Variants in CEP128 observed in about 807,000 individuals in gnomAD.
CEP128 encodes centrosomal protein 128, also known as centrosomal protein 128kDa.
CEP128 carries 132 observed loss-of-function variants against 156.7 expected under a neutral mutation model. That is an observed-to-expected ratio of 0.84 (90% CI 0.73 to 0.97). The LOEUF is 0.97. Among genes scored for constraint, CEP128 ranks in the 50% least tolerant of loss-of-function variants. The pLI is 0.00. For synonymous variants in CEP128, 469 were observed against 448.9 expected (o/e 1.04, Z -0.57); for missense variants, 1,252 against 1,281.9 (o/e 0.98, Z 0.36).
At chr14:80,689,035 C>A (rs962450664) in intron 19 of CEP128, among the ~76,000 whole-genome samples, 1 of 152,034 alleles carries the variant, frequency 6.6e-6, no homozygotes, top group Non-Finnish European at 1.5e-5. Flanking sequence ...CCTCACGATA[C>A]AATATGCACT....
At chr14:80,511,286 T>C (rs1273296967) in intron 23 of CEP128, among the ~76,000 whole-genome samples, 1 of 151,946 alleles carries the variant, frequency 6.6e-6, no homozygotes, top group Admixed American at 6.6e-5. Flanking sequence ...TCTCATTACT[T>C]GTTATTGGCC....
intron 2 of CEP128, among the ~76,000 whole-genome samples, chr14:80,930,228 T>C (rs1221754840): frequency 1.3e-5 from 2 of 152,190 alleles, no homozygotes; most frequent in African/African-American, 4.8e-5. Flanking sequence ...GTAGTAAATC[T>C]ACTGCTTGCA....
intron 21 of CEP128, among the ~76,000 whole-genome samples, chr14:80,548,135 C>T (rs1890063369): frequency 6.6e-6 from 1 of 150,704 alleles, no homozygotes; most frequent in Admixed American, 6.6e-5. Flanking sequence ...TAGTCCAGCC[C>T]AATCATGAAA....
intron 8 of CEP128, among the ~76,000 whole-genome samples, chr14:80,890,371 C>G (rs998710429): frequency 1.3e-5 from 2 of 152,082 alleles, no homozygotes; most frequent in Non-Finnish European, 2.9e-5. Context: ...GACTGGGAAC[C>G]AACCCAAATG....
intron 20 of CEP128, among the ~76,000 whole-genome samples, chr14:80,571,906 T>C (rs1891155628): frequency 1.3e-5 from 2 of 152,216 alleles, no homozygotes; most frequent in African/African-American, 4.8e-5. Flanking sequence ...TCTCACCGGC[T>C]GAGGAAGTAT....
chr14:80,691,047 C>T (rs1051159828), intron 19 of CEP128, among the ~76,000 whole-genome samples: 2 of 152,050 alleles, frequency 1.3e-5, no homozygotes, highest in South Asian at 2.1e-4. Context: ...AATAACCTTA[C>T]AAATTTTTGT....
Position 80,526,876 on chromosome 14 carries a change from C to CT in CEP128, c.3064dup (p.Ser1022LysfsTer5). On this transcript the variant is annotated frameshift_variant, in exon 23 of 25. Transcript: ENST00000555265. LOFTEE classifies it high-confidence loss of function. ...GTATATAAAGAAAATTACTTTGAAA[C>CT]TTTTGGTTCTGTACTTGGTGTCATC... is the stretch of plus-strand genomic sequence containing the variant. The CT allele has an allele frequency of 6.3e-7, 1 of 1,583,860 alleles. No homozygotes were observed. Among genetic ancestry groups the CT allele is most frequent in the Non-Finnish European group, 8.6e-7 (1 of 1,157,038 alleles).
chr14:80,594,713 A>G (rs1383552294), intron 19 of CEP128, among the ~76,000 whole-genome samples: 2 of 152,252 alleles, frequency 1.3e-5, no homozygotes, highest in Non-Finnish European at 2.9e-5. Context: ...CAACAAATAT[A>G]TGAAAAAAAG....
chr14:80,953,445 C>T (rs4903955), intron 2 of CEP128, among the ~76,000 whole-genome samples: 66,332 of 151,826 alleles, frequency 0.44, 14,874 homozygotes, highest in Middle Eastern at 0.54. Context: ...ATTAACCGGG[C>T]GTGGTGGCGG....
chr14:80,760,139 G>T (rs1899885927), intron 17 of CEP128, among the ~76,000 whole-genome samples: 2 of 150,810 alleles, frequency 1.3e-5, no homozygotes, highest in African/African-American at 4.9e-5. Context: ...AATTTAAAAA[G>T]CAGCATTAGG....
At chr14:80,608,531 A>C (rs1216986244) in intron 19 of CEP128, among the ~76,000 whole-genome samples, 1 of 152,192 alleles carries the variant, frequency 6.6e-6, no homozygotes, top group Non-Finnish European at 1.5e-5. Context: ...CATTCCCGGC[A>C]GGACCCAAAA....
chr14:80,678,062 A>ATATATATATATATATATATATG (rs1262159794), intron 19 of CEP128, among the ~76,000 whole-genome samples: 1 of 62,074 alleles, frequency 1.6e-5, no homozygotes, highest in African/African-American at 3.2e-5. Context: ...ATATATATAT[A>ATATATATATATATATATATATG]TGTATATATA....
chr14:80,667,662 T>C (rs1305420372), intron 19 of CEP128, among the ~76,000 whole-genome samples: 1 of 151,888 alleles, frequency 6.6e-6, no homozygotes, highest in Non-Finnish European at 1.5e-5. Flanking sequence ...ATCAAGACCA[T>C]CCTGGCTAAC....
At chr14:80,951,930 C>G (rs560488562) in intron 2 of CEP128, among the ~76,000 whole-genome samples, 109 of 151,620 alleles carry the variant, frequency 7.2e-4, no homozygotes, top group Non-Finnish European at 1.0e-3. Context: ...ATGAAGAGAA[C>G]AAGAAAATAA....
At chr14:80,735,773 T>C (rs1409369182) in intron 19 of CEP128, among the ~76,000 whole-genome samples, 3 of 152,112 alleles carry the variant, frequency 2.0e-5, no homozygotes, top group Non-Finnish European at 2.9e-5. Context: ...AAGAATCCAT[T>C]TCCTTGTCTT....
intron 20 of CEP128, among the ~76,000 whole-genome samples, chr14:80,561,059 C>T (rs1486396206): frequency 6.6e-6 from 1 of 152,098 alleles, no homozygotes; most frequent in Non-Finnish European, 1.5e-5. Context: ...GAACTTGGCC[C>T]CTACTGGCAT....
At chr14:80,895,811 A>AAAAG (rs1889325211) in intron 7 of CEP128, 21 bp from the exon 8 acceptor site, 3 of 1,479,340 alleles carry the variant, frequency 2.0e-6, no homozygotes, top group Non-Finnish European at 1.8e-6. Context: ...AAAAAAAAAA[A>AAAAG]AGATTTAAAT....
chr14:80,495,692 G>A (rs915206287), downstream of CEP128, among the ~76,000 whole-genome samples: 5 of 151,998 alleles, frequency 3.3e-5, no homozygotes, highest in Non-Finnish European at 1.5e-5. Flanking sequence ...GACCATAGAT[G>A]CACTAATAAT....
rs757290308 is a variant in CEP128 at position 80,793,077 on chromosome 14, G to T, written c.1243C>A (p.Gln415Lys). 6.2e-7 allele frequency: 1 copy of T among 1,613,080 alleles called. No individual in the cohort carries two copies. Among genetic ancestry groups the T allele is most frequent in the Non-Finnish European group, 8.5e-7 (1 of 1,179,214 alleles). Reference sequence around the variant, plus strand: ...AGTCGATCCAACATCTGCAGTTGCTGTTTTTCCCCATTCTCCAGTTCACGT... The same window carrying T: ...AGTCGATCCAACATCTGCAGTTGCTTTTTTTCCCCATTCTCCAGTTCACGT... ...LTRELENGEKQQLQMLDRLKE... is the reference protein window; with the variant it reads ...LTRELENGEKKQLQMLDRLKE... The change falls in exon 14 of 25, where the codon CAG (glutamine) becomes AAG (lysine). Residue 415 changes from glutamine (Q) to lysine (K), a missense_variant. Physicochemically the swap from Gln to Lys is moderately conservative, Grantham distance 53. Coordinates refer to ENST00000555265, the MANE Select transcript of CEP128 (RefSeq NM_152446.5).
Sources: allele counts gnomAD v4.1 joint callset (sites outside exome capture counted in the v4.1 genomes callset), GRCh38; gene constraint gnomAD v4.1.1; transcripts MANE v1.5; gene names NCBI Gene and HGNC (gene_info 2026-07-23, HGNC 2026-07-21).